PIEZO2: variants seen among roughly 807,000 people sequenced by gnomAD.
PIEZO2 encodes the protein piezo-type mechanosensitive ion channel component 2.
A neutral mutation model predicts 337.3 loss-of-function variants in PIEZO2; 172 were observed. The observed-to-expected ratio is 0.51, with a 90% CI of 0.45 to 0.58. PIEZO2 has a LOEUF of 0.58. Ranked by LOEUF, PIEZO2 falls within the 20% of genes least tolerant of loss-of-function variation. The pLI is 0.00. For synonymous variants in PIEZO2, 1,251 were observed against 1,228.5 expected, an observed-to-expected ratio of 1.02 and a Z score of -0.38; for missense variants, 3,028 against 3,391.3, an observed-to-expected ratio of 0.89 and a Z score of 2.66.
rs2039715697 is a variant in PIEZO2, at chr18:11,111,049, C to T, written c.64+37476G>A. On this transcript the variant is annotated intron_variant, in intron 1 of 55. Transcript: ENST00000674853. The surrounding 1 kb of genome is among the most constrained non-coding windows in gnomAD (Gnocchi z 6.2). ...AGCTGCAAATGGACGTCCGGGCAGA[C>T]AGGGCAGAGGACAGACAGGGAGCCT... 6.6e-6 allele frequency among the ~76,000 whole-genome samples: 1 copy of T among 152,190 alleles called. No homozygotes were observed. The highest frequency in any genetic ancestry group is 1.5e-5 in the Non-Finnish European group (1 of 68,034).
At chr18:11,062,547 CCAAA>C (rs1240626231) in intron 2 of PIEZO2, among the ~76,000 whole-genome samples, 1 of 151,792 alleles carries the variant, frequency 6.6e-6, no homozygotes, top group Non-Finnish European at 1.5e-5. Flanking sequence ...TACAATGAAC[CCAAA>C]CAAATTTACA....
chr18:10,896,028 C>T (rs2144967809), intron 4 of PIEZO2, among the ~76,000 whole-genome samples: 1 of 145,596 alleles, frequency 6.9e-6, no homozygotes, highest in East Asian at 2.0e-4. Context: ...CCATTGCACT[C>T]CAACCTGAGC....
rs1470303972 is a variant in PIEZO2 at position 10,800,545 on chromosome 18, C to T, written c.1240-70G>A. On this transcript the variant is annotated intron_variant, in intron 10 of 55. Transcript: ENST00000674853. ...GGTTTTCAATGCAGACATACCCCCA[C>T]TTCCCTTCCTCCACCCTAACTGAAC... 4 of 1,441,564 alleles carry T rather than the reference C, an allele frequency of 2.8e-6. No individual in the cohort carries two copies. In the African/African-American group the frequency reaches 5.8e-5, roughly 21 times the overall value. The allele number at this position is 1,441,564 out of a possible 1,614,324, so 89.3% of individuals were successfully genotyped here. A position where few individuals can be genotyped will look rare whatever the true frequency, so the allele number is the denominator to read the frequency against.
intron 2 of PIEZO2, among the ~76,000 whole-genome samples, chr18:11,020,202 G>A (rs975563882): frequency 1.3e-5 from 2 of 152,174 alleles, no homozygotes; most frequent in Non-Finnish European, 2.9e-5. Context: ...AGATGAGATT[G>A]TGACTTTTAA....
intron 3 of PIEZO2, among the ~76,000 whole-genome samples, chr18:10,946,801 A>T (rs534811793): frequency 5.9e-5 from 9 of 152,198 alleles, no homozygotes; most frequent in Non-Finnish European, 8.8e-5. Context: ...AACACCTATG[A>T]TAGATACAAT....
chr18:10,750,778 T>C lies in PIEZO2; in HGVS notation c.4168-591A>G, dbSNP rs1180488036. On this transcript the variant is annotated intron_variant, in intron 28 of 55. Coordinates refer to ENST00000674853, the MANE Select transcript of PIEZO2 (RefSeq NM_001378183.1). The surrounding 1 kb of genome is among the most constrained non-coding windows in gnomAD (Gnocchi z 4.1). Reference sequence around the variant, plus strand: ...TGGAAAATGTTTAAACAAGTATGAATCATTGCAAGCAAATACATAAATGTG... The same window carrying C: ...TGGAAAATGTTTAAACAAGTATGAACCATTGCAAGCAAATACATAAATGTG... Among the ~76,000 whole-genome samples, 2 of 152,218 alleles carry C rather than the reference T, an allele frequency of 1.3e-5. No homozygotes were observed. The highest frequency in any genetic ancestry group is 4.8e-5 in the African/African-American group (2 of 41,460).
chr18:10,837,479 T>C lies in PIEZO2; in HGVS notation c.917+17874A>G, dbSNP rs2041051694. Among the ~76,000 whole-genome samples, 1 of 152,200 alleles carries C rather than the reference T, an allele frequency of 6.6e-6. No individual in the cohort carries two copies. Among genetic ancestry groups the C allele is most frequent in the Admixed American group, 6.5e-5 (1 of 15,274 alleles). On this transcript the variant is annotated intron_variant, in intron 7 of 55. Transcript: ENST00000674853. The surrounding 1 kb of genome is among the most constrained non-coding windows in gnomAD (Gnocchi z 4.4). ...TGGGGGTAATGAGGATGACCCATCC[T>C]TACCACCATGCACATCCTTTAGAAT...
At chr18:11,106,846 TGA>T (rs35529449) in intron 1 of PIEZO2, among the ~76,000 whole-genome samples, 31,290 of 152,102 alleles carry the variant, frequency 0.21, 3,576 homozygotes, top group South Asian at 0.41. Flanking sequence ...TTTTTTGGGC[TGA>T]GCCACTTACA....
chr18:10,799,349 CA>C (rs921679536), intron 11 of PIEZO2, among the ~76,000 whole-genome samples: 1 of 152,218 alleles, frequency 6.6e-6, no homozygotes, highest in African/African-American at 2.4e-5. Context: ...CTTGCAGGGG[CA>C]ATGACAATAG....
intron 4 of PIEZO2, among the ~76,000 whole-genome samples, chr18:10,907,443 CA>C (rs147285429): frequency 0.34 from 47,013 of 140,094 alleles, 7,292 homozygotes; most frequent in Non-Finnish European, 0.36. Flanking sequence ...GACTCTGTCT[CA>C]AAAAAAAAAA....
At chr18:11,030,052 G>T (rs539441028) in intron 2 of PIEZO2, among the ~76,000 whole-genome samples, 1 of 152,230 alleles carries the variant, frequency 6.6e-6, no homozygotes, top group East Asian at 1.9e-4. Context: ...GCAGTACTCT[G>T]CATATACATC....
intron 35 of PIEZO2, among the ~76,000 whole-genome samples, chr18:10,733,909 G>C (rs145539853): frequency 6.6e-6 from 1 of 152,174 alleles, no homozygotes; most frequent in Non-Finnish European, 1.5e-5. Flanking sequence ...AGTAGCATGC[G>C]TTCCTGACTT....
chr18:11,034,402 T>TCTC (rs1485801130), intron 2 of PIEZO2, among the ~76,000 whole-genome samples: 30 of 152,020 alleles, frequency 2.0e-4, no homozygotes, highest in African/African-American at 3.1e-4. Context: ...TTCACGCCAT[T>TCTC]CTGCCTTAGC....
intron 28 of PIEZO2, among the ~76,000 whole-genome samples, chr18:10,752,432 A>G (rs1333720016): frequency 2.6e-5 from 4 of 152,206 alleles, no homozygotes; most frequent in Non-Finnish European, 5.9e-5. Context: ...TGTGGCCTTG[A>G]AATGGTGAAA....
At chr18:11,120,917 T>C (rs1034023566) in intron 1 of PIEZO2, among the ~76,000 whole-genome samples, 6 of 152,216 alleles carry the variant, frequency 3.9e-5, no homozygotes, top group Non-Finnish European at 8.8e-5. Flanking sequence ...TTAAATCACA[T>C]TTTAATTTAA....
intron 4 of PIEZO2, among the ~76,000 whole-genome samples, chr18:10,897,329 G>A (rs1036491205): frequency 2.2e-4 from 33 of 152,126 alleles, no homozygotes; most frequent in African/African-American, 7.5e-4. Context: ...TGGTATTACA[G>A]GTGCCCAACA....
chr18:10,688,254 G>C (rs1318393867), intron 49 of PIEZO2, among the ~76,000 whole-genome samples: 1 of 152,164 alleles, frequency 6.6e-6, no homozygotes, highest in Non-Finnish European at 1.5e-5. Flanking sequence ...AGAACATGCG[G>C]TGTTTGGTCT....
At chr18:11,010,840 C>T (rs1050029041) in intron 2 of PIEZO2, among the ~76,000 whole-genome samples, 2 of 152,168 alleles carry the variant, frequency 1.3e-5, no homozygotes, top group East Asian at 3.8e-4. Context: ...TTACATGGCT[C>T]AGAGAGGAAG....
In PIEZO2 at chr18:11,070,941, C is replaced by T. The variant is rs936189263; in HGVS notation, c.65-4719G>A. On this transcript the variant is annotated intron_variant, in intron 1 of 55. Coordinates refer to ENST00000674853, the MANE Select transcript of PIEZO2 (RefSeq NM_001378183.1). This position sits in a 1 kb window ranked among gnomAD's most constrained non-coding sequence, Gnocchi z 4.3. ...ATCAAGAAGCACTAATCCCAGAATGCGGACAACAGGAGCATAGCACACTCC... is the reference window on the plus strand; with the variant it reads ...ATCAAGAAGCACTAATCCCAGAATGTGGACAACAGGAGCATAGCACACTCC... Among the ~76,000 whole-genome samples the T allele has an allele frequency of 1.8e-4, 27 of 152,044 alleles. No homozygotes were observed. The highest frequency in any genetic ancestry group is 5.3e-4 in the African/African-American group (22 of 41,374).
Sources: gnomAD v4.1 joint callset for allele counts (sites outside exome capture counted in the v4.1 genomes callset) on GRCh38, gnomAD v4.1.1 for gene constraint, Gnocchi (gnomAD v3.1) non-coding constraint, MANE v1.5 for transcripts, NCBI Gene and HGNC (gene_info 2026-07-23, HGNC 2026-07-21) for gene names.